KLRD1: variants seen among roughly 807,000 people sequenced by gnomAD.
KLRD1 encodes the protein natural killer cells antigen CD94.
A neutral mutation model predicts 22.6 loss-of-function variants in KLRD1; 21 were observed. The observed-to-expected ratio is 0.93, with a 90% CI of 0.66 to 1.34. The LOEUF (loss-of-function observed/expected upper bound fraction) is 1.34. Among genes scored for constraint, KLRD1 ranks in the 40% most tolerant of loss-of-function variants. The pLI is 0.00. For missense variants in KLRD1, 183 were observed against 208.6 expected (o/e 0.88, Z 0.76); for synonymous variants, 59 against 71.1 (o/e 0.83, Z 0.85).
chr12:10,276,987 A>G (rs1174112964), intron 1 of KLRD1, among the ~76,000 whole-genome samples: 4 of 152,190 alleles, frequency 2.6e-5, no homozygotes, highest in Non-Finnish European at 5.9e-5. Flanking sequence ...ATGACTCACC[A>G]TTAAGTCTAG....
At chr12:10,287,002 G>A (rs1458367043) in intron 1 of KLRD1, among the ~76,000 whole-genome samples, 2 of 152,086 alleles carry the variant, frequency 1.3e-5, no homozygotes, top group African/African-American at 4.8e-5. Flanking sequence ...GACGGGCGTG[G>A]TGGTGCGCCT....
intron 1 of KLRD1, among the ~76,000 whole-genome samples, chr12:10,256,425 GTT>G (rs139328118): frequency 0.031 from 4,070 of 130,828 alleles, 63 homozygotes; most frequent in African/African-American, 0.12. Flanking sequence ...GTGATTAGCT[GTT>G]TTTTTTTTTT....
chr12:10,285,594 T>A (rs1949693880), intron 1 of KLRD1, among the ~76,000 whole-genome samples: 1 of 152,226 alleles, frequency 6.6e-6, no homozygotes. Flanking sequence ...CATGGTACCT[T>A]AAAGTTGTTT....
intron 1 of KLRD1, among the ~76,000 whole-genome samples, chr12:10,262,509 T>C (rs1215481175): frequency 6.6e-6 from 1 of 152,142 alleles, no homozygotes; most frequent in Non-Finnish European, 1.5e-5. Context: ...TTTGGTCTTA[T>C]ATTTACAAAG....
intron 1 of KLRD1, among the ~76,000 whole-genome samples, chr12:10,283,357 A>C (rs948263933): frequency 6.6e-5 from 10 of 152,222 alleles, no homozygotes; most frequent in Non-Finnish European, 1.5e-4. Flanking sequence ...AAGGAGCAGA[A>C]TAGTGGTTAC....
At position 10,321,822 on chromosome 12, in the gene KLRD1, G is replaced by A. The variant is rs533038710; in HGVS notation, c.*7029G>A. 4 of 152,270 alleles carry A rather than the reference G, an allele frequency of 2.6e-5. No individual in the cohort carries two copies. The highest frequency in any genetic ancestry group is 2.6e-4 in the Admixed American group (4 of 15,290). 9.4% of individuals were successfully genotyped at this position (152,270 alleles called of 1,614,324 possible). On this transcript the variant is annotated 3_prime_UTR_variant, in exon 6 of 6. Coordinates refer to ENST00000336164, the MANE Select transcript of KLRD1 (RefSeq NM_002262.5). ...CGAGCCTCCTTGGTTCAACTCTTCA[G>A]CCAGTGTCAAGCCTTAGAAAATACA...
intron 1 of KLRD1, among the ~76,000 whole-genome samples, chr12:10,240,948 A>G (rs936906914): frequency 3.3e-5 from 5 of 152,124 alleles, no homozygotes; most frequent in African/African-American, 1.2e-4. Context: ...TATGTAGTTC[A>G]ACATCTTCTT....
In KLRD1 at chr12:10,324,867, T is replaced by A. The variant is rs1381160332; in HGVS notation, c.*10074T>A. 7.2e-6 allele frequency: 1 copy of A among 139,230 alleles called. No individual in the cohort carries two copies. The highest frequency in any genetic ancestry group is 2.6e-5 in the African/African-American group (1 of 38,338). The allele number at this position is 139,230 out of a possible 1,614,324, so 8.6% of individuals were successfully genotyped here. Reference sequence around the variant, plus strand: ...ATTCATTTACACAGTTGATTCTAAGTGTATCTTTTATTGTTTAACCTGCCT... The same window carrying A: ...ATTCATTTACACAGTTGATTCTAAGAGTATCTTTTATTGTTTAACCTGCCT... On this transcript the variant is annotated 3_prime_UTR_variant, in exon 6 of 6. Transcript: ENST00000336164.
chr12:10,262,791 A>C (rs932418384), intron 1 of KLRD1, among the ~76,000 whole-genome samples: 1 of 150,448 alleles, frequency 6.6e-6, no homozygotes, highest in Admixed American at 6.7e-5. Context: ...AATTTCTTAC[A>C]CACAATTTAT....
intron 1 of KLRD1, among the ~76,000 whole-genome samples, chr12:10,263,791 G>T (rs576781154): frequency 6.6e-6 from 1 of 151,902 alleles, no homozygotes; most frequent in Non-Finnish European, 1.5e-5. Flanking sequence ...TCGTTCCCTC[G>T]CCAGACCCAG....
chr12:10,282,882 G>A (rs1261647751), intron 1 of KLRD1, among the ~76,000 whole-genome samples: 3 of 152,174 alleles, frequency 2.0e-5, no homozygotes, highest in African/African-American at 7.2e-5. Flanking sequence ...TTGAGAAGTA[G>A]CATTGGGGCT....
At chr12:10,309,734 T>C in intron 3 of KLRD1, 46 bp downstream of exon 3, 1 of 1,323,092 alleles carries the variant, frequency 7.6e-7, no homozygotes, top group Non-Finnish European at 1.1e-6. Flanking sequence ...AAAGATTAAA[T>C]AGGCAGTTTC....
rs770851294 is a variant in KLRD1 at position 10,318,036 on chromosome 12, G to T, written c.*3243G>T. On this transcript the variant is annotated 3_prime_UTR_variant, in exon 6 of 6. Transcript: ENST00000336164. ...TCCTACCAGTTCCCTCACATGATAC[G>T]TGAGGATTAGGGGCACTACAATTCA... is the stretch of plus-strand genomic sequence containing the variant. 1 of 152,174 alleles carries T rather than the reference G, an allele frequency of 6.6e-6. No individual in the cohort carries two copies. The highest frequency in any genetic ancestry group is 2.1e-4 in the South Asian group (1 of 4,834). The allele number at this position is 152,174 out of a possible 1,614,324, so 9.4% of individuals were successfully genotyped here. A position where few individuals can be genotyped will look rare whatever the true frequency, so the allele number is the denominator to read the frequency against.
chr12:10,304,194 A>G (rs1488713731), upstream of KLRD1, among the ~76,000 whole-genome samples: 1 of 152,204 alleles, frequency 6.6e-6, no homozygotes, highest in Non-Finnish European at 1.5e-5. Context: ...CTGCAAAAGC[A>G]CCCACTCATT....
At chr12:10,283,072 A>T (rs1227233570) in intron 1 of KLRD1, among the ~76,000 whole-genome samples, 4 of 152,252 alleles carry the variant, frequency 2.6e-5, no homozygotes, top group Non-Finnish European at 5.9e-5. Flanking sequence ...GAGGGTATTT[A>T]TCAAACAGTT....
At chr12:10,294,338 A>T (rs1354743845) in intron 1 of KLRD1, among the ~76,000 whole-genome samples, 1 of 152,210 alleles carries the variant, frequency 6.6e-6, no homozygotes, top group Non-Finnish European at 1.5e-5. Flanking sequence ...AGTTTGTCAA[A>T]GTGCATCCTC....
At chr12:10,274,906 T>C (rs1801590594) in intron 1 of KLRD1, among the ~76,000 whole-genome samples, 1 of 152,186 alleles carries the variant, frequency 6.6e-6, no homozygotes, top group Non-Finnish European at 1.5e-5. Context: ...TTTTTCTTTT[T>C]TGGAGAAGGA....
At chr12:10,254,865 C>A (rs1179942455) in intron 1 of KLRD1, among the ~76,000 whole-genome samples, 1 of 134,144 alleles carries the variant, frequency 7.5e-6, no homozygotes, top group Non-Finnish European at 1.6e-5. Context: ...CGCACTCCAG[C>A]CTAGGCAACA....
chr12:10,248,061 C>T (rs1212464268), intron 1 of KLRD1, among the ~76,000 whole-genome samples: 2 of 152,146 alleles, frequency 1.3e-5, no homozygotes, highest in Non-Finnish European at 2.9e-5. Flanking sequence ...GAGACAGTTG[C>T]AATGTGCACA....
Sources: allele counts gnomAD v4.1 joint callset (sites outside exome capture counted in the v4.1 genomes callset), GRCh38; gene constraint gnomAD v4.1.1; transcripts MANE v1.5; gene names NCBI Gene and HGNC (gene_info 2026-07-23, HGNC 2026-07-21).